VRK2: variants seen among roughly 807,000 people sequenced by gnomAD.
The protein encoded by VRK2 is serine/threonine-protein kinase VRK2.
Under a neutral mutation model 57.6 loss-of-function variants are expected in VRK2, and 60 were observed. That is an observed-to-expected ratio of 1.04 (90% CI 0.85 to 1.29). The LOEUF (loss-of-function observed/expected upper bound fraction) is 1.29, where lower values mean the gene tolerates loss of function less well. Among genes scored for constraint, VRK2 ranks in the 50% most tolerant of loss-of-function variants. The pLI, the probability that VRK2 is intolerant of heterozygous loss-of-function variation, is 0.00. For synonymous variants in VRK2, 231 were observed against 199.2 expected (o/e 1.16, Z -1.35); for missense variants, 705 against 588.1 (o/e 1.20, Z -2.06).
At chr2:58,154,728 G>T (rs1166880449) in intron 12 of VRK2, 1 of 716,920 alleles carries the variant, frequency 1.4e-6, no homozygotes, top group African/African-American at 1.8e-5. Flanking sequence ...TCTTGATCTT[G>T]GTGTATTTTC....
intron 1 of VRK2, among the ~76,000 whole-genome samples, chr2:58,012,468 A>G (rs562657998): frequency 2.6e-5 from 4 of 152,286 alleles, no homozygotes; most frequent in African/African-American, 9.6e-5. Context: ...ATTGTTCAAG[A>G]GGTTTTTTTT....
intron 1 of VRK2, among the ~76,000 whole-genome samples, chr2:57,946,866 AC>A (rs1300018439): frequency 6.6e-6 from 1 of 151,996 alleles, no homozygotes; most frequent in Non-Finnish European, 1.5e-5. Context: ...GACTTAATCA[AC>A]TCCAGTTTAC....
At chr2:57,969,197 A>C (rs914626714) in intron 1 of VRK2, among the ~76,000 whole-genome samples, 9 of 152,112 alleles carry the variant, frequency 5.9e-5, no homozygotes, top group South Asian at 2.1e-4. Flanking sequence ...AAAAGAGGGG[A>C]TCAACATGAC....
chr2:58,100,640 G>A (rs546523975), intron 7 of VRK2, among the ~76,000 whole-genome samples: 26 of 151,586 alleles, frequency 1.7e-4, no homozygotes, highest in South Asian at 1.7e-3. Context: ...ACATTAATAG[G>A]ATTATTTTAA....
intron 2 of VRK2, among the ~76,000 whole-genome samples, chr2:58,075,516 G>A (rs566772565): frequency 6.6e-6 from 1 of 152,212 alleles, no homozygotes; most frequent in African/African-American, 2.4e-5. Context: ...GTGTATAAAT[G>A]TTCCCTTATC....
chr2:58,048,243 A>G (rs1157625020), intron 1 of VRK2, among the ~76,000 whole-genome samples: 1 of 152,186 alleles, frequency 6.6e-6, no homozygotes, highest in Admixed American at 6.5e-5. Context: ...AATGCTGAGA[A>G]TATTTTGGCA....
chr2:57,920,673 A>G (rs542056875), intron 1 of VRK2, among the ~76,000 whole-genome samples: 1 of 152,198 alleles, frequency 6.6e-6, no homozygotes, highest in African/African-American at 2.4e-5. Flanking sequence ...AGTAACAAAA[A>G]CATGGGGACA....
chr2:58,104,704 A>G (rs1674493697), intron 7 of VRK2, among the ~76,000 whole-genome samples: 1 of 151,830 alleles, frequency 6.6e-6, no homozygotes, highest in South Asian at 2.1e-4. Context: ...ATTAGACAAA[A>G]CCATCCTGAA....
intron 1 of VRK2, among the ~76,000 whole-genome samples, chr2:57,992,692 G>A (rs1042801551): frequency 3.9e-5 from 6 of 151,926 alleles, no homozygotes; most frequent in South Asian, 4.1e-4. Flanking sequence ...GCCCGCCACC[G>A]CGCCCGGCTA....
intron 5 of VRK2, among the ~76,000 whole-genome samples, chr2:58,087,198 A>G (rs975521972): frequency 6.6e-6 from 1 of 152,190 alleles, no homozygotes; most frequent in African/African-American, 2.4e-5. Flanking sequence ...GCCTGTTAAA[A>G]TAGGTGATAT....
chr2:58,129,365 T>C (rs1372578635), intron 8 of VRK2, among the ~76,000 whole-genome samples: 2 of 152,214 alleles, frequency 1.3e-5, no homozygotes, highest in East Asian at 3.8e-4. Flanking sequence ...CATTGCACAG[T>C]ATCATCTGAT....
intron 10 of VRK2, among the ~76,000 whole-genome samples, chr2:58,137,251 G>GATACATGTATC (rs145492171): frequency 4.0e-4 from 31 of 77,398 alleles, no homozygotes; most frequent in Admixed American, 7.9e-4. Context: ...TCATATATAT[G>GATACATGTATC]ATATATATGA....
Position 58,137,204 on chromosome 2 carries a change from CAT to C in VRK2, c.856+2010_856+2011del, listed in dbSNP as rs1301654797. Among the ~76,000 whole-genome samples the C allele has an allele frequency of 5.2e-3, 83 of 16,076 alleles. 2 individuals are homozygous for C. Among genetic ancestry groups the C allele is most frequent in the Non-Finnish European group, 8.0e-3 (62 of 7,780 alleles). The allele number at this position is 16,076 out of a possible 152,430, so 10.5% of individuals were successfully genotyped here. A position where few individuals can be genotyped will look rare whatever the true frequency, so the allele number is the denominator to read the frequency against. Reference sequence around the variant, plus strand: ...TATCATATATGATACATATATATCTCATATATGATACATATATATCATATGAT... The same window carrying C: ...TATCATATATGATACATATATATCTCATATGATACATATATATCATATGAT... On this transcript the variant is annotated intron_variant, in intron 10 of 12. Transcript: ENST00000340157.
intron 2 of VRK2, among the ~76,000 whole-genome samples, chr2:58,073,648 A>ATATT (rs1553394560): frequency 8.3e-4 from 118 of 142,226 alleles, no homozygotes; most frequent in African/African-American, 2.7e-3. Flanking sequence ...ATATATATAT[A>ATATT]TATATTTATA....
At chr2:58,005,547 C>T (rs1344255111) in intron 1 of VRK2, among the ~76,000 whole-genome samples, 1 of 151,472 alleles carries the variant, frequency 6.6e-6, no homozygotes, top group Non-Finnish European at 1.5e-5. Context: ...ATAAATGAGG[C>T]CTAACTGAAG....
chr2:58,149,861 G>A (rs1030272782), intron 12 of VRK2, among the ~76,000 whole-genome samples: 2 of 151,432 alleles, frequency 1.3e-5, no homozygotes, highest in Non-Finnish European at 3.0e-5. Context: ...TAAACCTCCA[G>A]TTAGGCATGA....
intron 7 of VRK2, among the ~76,000 whole-genome samples, chr2:58,095,302 A>G (rs2104292321): frequency 6.6e-6 from 1 of 152,194 alleles, no homozygotes; most frequent in South Asian, 2.1e-4. Context: ...TCAAAAAAAA[A>G]AAAAAAAAAA....
intron 2 of VRK2, among the ~76,000 whole-genome samples, chr2:58,056,316 C>T (rs1156784095): frequency 6.6e-6 from 1 of 152,140 alleles, no homozygotes; most frequent in Non-Finnish European, 1.5e-5. Context: ...CATATAACTG[C>T]CACAAATTAA....
At chr2:58,002,487 G>C (rs1572765035) in intron 1 of VRK2, among the ~76,000 whole-genome samples, 1 of 151,882 alleles carries the variant, frequency 6.6e-6, no homozygotes, top group East Asian at 1.9e-4. Context: ...AAAAAAAAAA[G>C]TAAAATCAGT....
Sources: allele counts gnomAD v4.1 joint callset (sites outside exome capture counted in the v4.1 genomes callset), GRCh38; gene constraint gnomAD v4.1.1; transcripts MANE v1.5; gene names NCBI Gene and HGNC (gene_info 2026-07-23, HGNC 2026-07-21).